DCAKD: variants seen among roughly 807,000 people sequenced by gnomAD.
The protein encoded by DCAKD is dephospho-CoA kinase domain-containing protein.
In DCAKD, 15 loss-of-function variants were observed where a neutral mutation model predicts 18.7. The observed-to-expected ratio is 0.80, with a 90% CI of 0.54 to 1.24. The LOEUF is 1.24. DCAKD is among the 50% of genes most tolerant of loss of function. The pLI is 0.00. For synonymous variants in DCAKD, 130 were observed against 133.0 expected (o/e 0.98, Z 0.16); for missense variants, 301 against 322.0 (o/e 0.93, Z 0.50).
chr17:45,030,237 A>G, intron 3 of DCAKD, 58 bp from the exon 4 acceptor site: 2 of 1,508,370 alleles, frequency 1.3e-6, no homozygotes, highest in Non-Finnish European at 1.8e-6. Flanking sequence ...CTGAGGACTG[A>G]TGATATGCTG....
chr17:45,033,918 T>C, intron 3 of DCAKD: 1 of 1,471,214 alleles, frequency 6.8e-7, no homozygotes, highest in Non-Finnish European at 9.0e-7. Flanking sequence ...CCATCCCTAC[T>C]AGAAAAACCA....
At chr17:45,031,044 G>A in intron 3 of DCAKD, 2 of 985,400 alleles carry the variant, frequency 2.0e-6, no homozygotes, top group Non-Finnish European at 2.4e-6. Flanking sequence ...AGGGCTCCAG[G>A]AGAGCAAGAA....
rs546749611 is a variant in DCAKD at position 45,033,812 on chromosome 17, G to A, written c.316+375C>T. 1,470 of 1,132,944 alleles carry A rather than the reference G, an allele frequency of 1.3e-3. 3 individuals are homozygous for A. The highest frequency in any genetic ancestry group is 1.5e-3 in the Non-Finnish European group (1,313 of 888,002). 70.2% of individuals were successfully genotyped at this position (1,132,944 alleles called of 1,614,324 possible). A position where few individuals can be genotyped will look rare whatever the true frequency, so the allele number is the denominator to read the frequency against. ...CTGCACAAATGAAAAAATGAGCTGAGGGCGAGATCACTCAATGAAGTCACA... is the reference window on the plus strand; with the variant it reads ...CTGCACAAATGAAAAAATGAGCTGAAGGCGAGATCACTCAATGAAGTCACA... On this transcript the variant is annotated intron_variant, in intron 3 of 4. Transcript: ENST00000651974.
intron 4 of DCAKD, chr17:45,026,885 T>C: frequency 1.1e-6 from 1 of 952,102 alleles, no homozygotes; most frequent in Non-Finnish European, 1.3e-6. Flanking sequence ...CACATCCTCC[T>C]GAAGGTGTGG....
At chr17:45,029,860 G>A (rs1488981880) in intron 4 of DCAKD, among the ~76,000 whole-genome samples, 4 of 152,098 alleles carry the variant, frequency 2.6e-5, no homozygotes, top group African/African-American at 9.7e-5. Flanking sequence ...GTCAGCGGGG[G>A]AGCGCTCCCC....
chr17:45,057,936 G>T (rs1442624563), intron 1 of DCAKD, among the ~76,000 whole-genome samples: 1 of 143,526 alleles, frequency 7.0e-6, no homozygotes, highest in African/African-American at 2.6e-5. Flanking sequence ...GCTTAAACCT[G>T]GAAGGCAGAG....
intron 4 of DCAKD, among the ~76,000 whole-genome samples, chr17:45,025,744 C>CTTTTTTTTTTTTTTTTTTTTT: frequency 9.6e-6 from 1 of 103,882 alleles, no homozygotes; most frequent in African/African-American, 4.1e-5. Flanking sequence ...TTGGTTCCTT[C>CTTTTTTTTTTTTTTTTTTTTT]TTTTTTTTTT....
At chr17:45,033,963 T>C (rs1349732757) in intron 3 of DCAKD, 4 of 1,574,692 alleles carry the variant, frequency 2.5e-6, no homozygotes, top group East Asian at 2.3e-5. Context: ...GAAAGCCTCA[T>C]GTGTCTCTTC....
In DCAKD at chr17:45,024,199, A is replaced by T; in HGVS notation, c.*234T>A. 1 of 530,240 alleles carries T rather than the reference A, an allele frequency of 1.9e-6. No homozygotes were observed. 32.8% of individuals were successfully genotyped at this position (530,240 alleles called of 1,614,324 possible). A position where few individuals can be genotyped will look rare whatever the true frequency, so the allele number is the denominator to read the frequency against. On this transcript the variant is annotated 3_prime_UTR_variant, in exon 5 of 5. Coordinates refer to ENST00000651974, the MANE Select transcript of DCAKD (RefSeq NM_001288655.2). ...GTGCTGCTCAGGGAAGGTGGGAAGGACAGCAGGCTATTTCTTGATCTCAAA... is the reference window on the plus strand; with the variant it reads ...GTGCTGCTCAGGGAAGGTGGGAAGGTCAGCAGGCTATTTCTTGATCTCAAA...
At position 45,034,388 on chromosome 17, in the gene DCAKD, C is replaced by A; in HGVS notation, c.115G>T (p.Val39Leu). ...CGGTGGGCAGGGTATCCTGGCTGCA[C>A]GACTGTGGCAGGAGGAAGAAGCTGG... ...IDVDVMARHV[V>L]QPGYPAHRRI... Residue 39 changes from valine (V) to leucine (L), a missense_variant and splice_region_variant, in exon 3 of 5, where the codon GTG (valine) becomes TTG (leucine). Physicochemically the swap from Val to Leu is conservative, Grantham distance 32. Coordinates refer to ENST00000651974, the MANE Select transcript of DCAKD (RefSeq NM_001288655.2). 6.2e-7 allele frequency: 1 copy of A among 1,613,650 alleles called. No homozygotes were observed. Among genetic ancestry groups the A allele is most frequent in the East Asian group, 2.2e-5 (1 of 44,874 alleles).
Position 45,024,409 on chromosome 17 carries a change from G to A in DCAKD, c.*24C>T, listed in dbSNP as rs1203140387. 1 of 1,579,186 alleles carries A rather than the reference G, an allele frequency of 6.3e-7. No individual in the cohort carries two copies. Among genetic ancestry groups the A allele is most frequent in the Admixed American group, 1.7e-5 (1 of 57,746 alleles). On this transcript the variant is annotated 3_prime_UTR_variant, in exon 5 of 5. Transcript: ENST00000651974. Reference sequence around the variant, plus strand: ...CTCCAAGGAGATAGATGGAGGCCTGGGGCTCCCTGCCTTGAGTGCCCCACT... The same window carrying A: ...CTCCAAGGAGATAGATGGAGGCCTGAGGCTCCCTGCCTTGAGTGCCCCACT...
intron 1 of DCAKD, among the ~76,000 whole-genome samples, chr17:45,058,693 A>G (rs2053814192): frequency 6.6e-6 from 1 of 151,480 alleles, no homozygotes; most frequent in Admixed American, 6.6e-5. Flanking sequence ...AAGTGCTGGG[A>G]TTACTGGCAT....
At chr17:45,046,915 G>C (rs371149562) in intron 1 of DCAKD, among the ~76,000 whole-genome samples, 1 of 152,060 alleles carries the variant, frequency 6.6e-6, no homozygotes, top group African/African-American at 2.4e-5. Flanking sequence ...GCACCAGAAA[G>C]GGCAATTCAA....
At chr17:45,044,673 C>G (rs1567845701) in intron 1 of DCAKD, among the ~76,000 whole-genome samples, 1 of 150,112 alleles carries the variant, frequency 6.7e-6, no homozygotes, top group East Asian at 2.0e-4. Context: ...GCCTGGGAGA[C>G]AGAGAGAGAC....
Position 45,034,958 on chromosome 17 carries a change from G to A in DCAKD, c.-73C>T. On this transcript the variant is annotated 5_prime_UTR_variant, in exon 2 of 5. Transcript: ENST00000651974. Reference sequence around the variant, plus strand: ...AGAATCACTGGAGAGCAGGGCAAGTGTGGCCGATGGGGGCGGTCCACCAGA... The same window carrying A: ...AGAATCACTGGAGAGCAGGGCAAGTATGGCCGATGGGGGCGGTCCACCAGA... The A allele has an allele frequency of 6.6e-7, 1 of 1,515,374 alleles. No individual in the cohort carries two copies. The highest frequency in any genetic ancestry group is 9.1e-7 in the Non-Finnish European group (1 of 1,101,542). The allele number at this position is 1,515,374 out of a possible 1,614,324, so 93.9% of individuals were successfully genotyped here.
intron 3 of DCAKD, chr17:45,031,531 G>A (rs12450587): frequency 1.0e-6 from 1 of 984,844 alleles, no homozygotes; most frequent in Non-Finnish European, 1.2e-6. Flanking sequence ...TCCCTCGCTA[G>A]GTGCCCCAAA....
intron 3 of DCAKD, among the ~76,000 whole-genome samples, chr17:45,030,486 C>T (rs1295331538): frequency 2.0e-5 from 3 of 152,216 alleles, no homozygotes; most frequent in African/African-American, 7.2e-5. Context: ...CGAATGAGAA[C>T]CACCACAGCA....
chr17:45,040,618 A>G (rs917850793), intron 1 of DCAKD, among the ~76,000 whole-genome samples: 1 of 152,158 alleles, frequency 6.6e-6, no homozygotes, highest in African/African-American at 2.4e-5. Context: ...TCAGCCAAGG[A>G]GGAGCCAGAA....
Position 45,024,572 on chromosome 17 carries a change from T to C in DCAKD, c.557A>G (p.Lys186Arg), listed in dbSNP as rs777497976. ...AGTGTGCAAGAGGATGACCTGGCGT[T>C]TGGTGACACTCCACTCGCCCGAGTT... ...LDNSGEWSVT[K>R]RQVILLHTEL... Residue 186 changes from lysine (K) to arginine (R), a missense_variant, in exon 5 of 5, where the codon AAA becomes AGA. Lys to Arg is a conservative substitution (Grantham distance 26). Coordinates refer to ENST00000651974, the MANE Select transcript of DCAKD (RefSeq NM_001288655.2). 6.2e-7 allele frequency: 1 copy of C among 1,614,080 alleles called. No individual in the cohort carries two copies.
Sources: allele counts gnomAD v4.1 joint callset (sites outside exome capture counted in the v4.1 genomes callset), GRCh38; gene constraint gnomAD v4.1.1; transcripts MANE v1.5; gene names NCBI Gene and HGNC (gene_info 2026-07-23, HGNC 2026-07-21).